Variants in ASTN1 observed in about 807,000 individuals in gnomAD.
ASTN1 encodes the protein astrotactin 1.
ASTN1 carries 41 observed loss-of-function variants against 140.7 expected under a neutral mutation model. That is an observed-to-expected ratio of 0.29 (90% CI 0.23 to 0.38). The LOEUF (loss-of-function observed/expected upper bound fraction) is 0.38. Among genes scored for constraint, ASTN1 ranks in the 10% least tolerant of loss-of-function variants. The pLI is 1.00. For missense variants in ASTN1, 1,479 were observed against 1,678.8 expected (o/e 0.88, Z 2.08); for synonymous variants, 640 against 652.2 (o/e 0.98, Z 0.29).
intron 1 of ASTN1, among the ~76,000 whole-genome samples, chr1:177,117,763 C>G (rs936092024): frequency 1.3e-5 from 2 of 152,184 alleles, no homozygotes; most frequent in East Asian, 1.9e-4. Flanking sequence ...AACTCCCAGA[C>G]TTTGCCTGGG....
rs1327904580 is a variant in ASTN1, at chr1:176,945,918, A to T, written c.2249+8T>A. The T allele has an allele frequency of 6.2e-7, 1 of 1,602,050 alleles. No individual in the cohort carries two copies. The highest frequency in any genetic ancestry group is 1.1e-5 in the South Asian group (1 of 88,970). On this transcript the variant is annotated splice_region_variant and intron_variant, in intron 13 of 22. Coordinates refer to ENST00000361833, the MANE Select transcript of ASTN1 (RefSeq NM_004319.3). ...TTGAACAATCAGTTCTATGTATATGAGGTTTACCTGAATGTTCCTTTCAGC... is the reference window on the plus strand; with the variant it reads ...TTGAACAATCAGTTCTATGTATATGTGGTTTACCTGAATGTTCCTTTCAGC...
chr1:177,061,239 G>A lies in ASTN1; in HGVS notation c.310C>T (p.Pro104Ser), dbSNP rs138326291. 6.3e-7 allele frequency: 1 copy of A among 1,583,836 alleles called. No homozygotes were observed. Among genetic ancestry groups the A allele is most frequent in the Non-Finnish European group, 8.6e-7 (1 of 1,164,642 alleles). Residue 104 changes from proline to serine, a missense_variant, in exon 2 of 23, where the codon CCT (proline) becomes TCT (serine). Pro to Ser is a moderately conservative substitution (Grantham distance 74, BLOSUM62 -1). Coordinates refer to ENST00000361833, the MANE Select transcript of ASTN1 (RefSeq NM_004319.3). ...CACTGCTGCCTCCAGCGCACCAAAG[G>A]GATATCCTCTGTGTTCCCTGAGATC... The part of the protein sequence containing the change: ...LEISGNTEDI[P>S]LVRWRQQWLE...
At chr1:176,999,750 T>A (rs1333052713) in intron 8 of ASTN1, among the ~76,000 whole-genome samples, 2 of 152,098 alleles carry the variant, frequency 1.3e-5, no homozygotes. Context: ...ATGGGGGCAG[T>A]TTCCCCATAT....
At chr1:176,960,749 A>C (rs1458623973) in intron 9 of ASTN1, among the ~76,000 whole-genome samples, 2 of 152,054 alleles carry the variant, frequency 1.3e-5, no homozygotes, top group Non-Finnish European at 2.9e-5. Flanking sequence ...CATAGTTCCT[A>C]AAGTTGTCCC....
chr1:176,880,711 G>T (rs143949029), intron 20 of ASTN1, among the ~76,000 whole-genome samples: 1 of 152,272 alleles, frequency 6.6e-6, no homozygotes, highest in South Asian at 2.1e-4. Flanking sequence ...CAGAGCCAGC[G>T]CTCTGCTTTA....
rs1056633735 is a variant in ASTN1, at chr1:176,934,808, C to T, written c.2483-468G>A. Among the ~76,000 whole-genome samples the T allele has an allele frequency of 7.9e-5, 12 of 151,990 alleles. No homozygotes were observed. In the East Asian group the frequency reaches 1.6e-3, roughly 20 times the overall value. The stretch of plus-strand genomic sequence containing the variant: ...TTGTGTGCATGTGGGAGTATGTGTA[C>T]GCGCAAGGTCACGATACAAAATGTA... On this transcript the variant is annotated intron_variant, in intron 15 of 22. Coordinates refer to ENST00000361833, the MANE Select transcript of ASTN1 (RefSeq NM_004319.3).
chr1:177,044,273 C>T (rs563889956), intron 2 of ASTN1, among the ~76,000 whole-genome samples: 152 of 147,322 alleles, frequency 1.0e-3, no homozygotes, highest in Non-Finnish European at 1.9e-3. Context: ...TAGCCCCAGG[C>T]TGTCAGCCTT....
intron 8 of ASTN1, among the ~76,000 whole-genome samples, chr1:176,990,239 G>C (rs376640760): frequency 1.6e-4 from 23 of 141,752 alleles, no homozygotes; most frequent in East Asian, 4.7e-4. Context: ...CAGCAGGGGT[G>C]GGGGGGTGGG....
At position 176,901,486 on chromosome 1, in the gene ASTN1, G is replaced by C. The variant is rs532074309; in HGVS notation, c.2672-6656C>G. On this transcript the variant is annotated intron_variant, in intron 16 of 22. Coordinates refer to ENST00000361833, the MANE Select transcript of ASTN1 (RefSeq NM_004319.3). ...TACCAAAGAGCAGCTGGGGTGAAAG[G>C]TAAACTTCTCCCTGTGGGAGCAGTT... Among the ~76,000 whole-genome samples, 9 of 152,302 alleles carry C rather than the reference G, an allele frequency of 5.9e-5. 1 individual carries two copies. The South Asian group carries it at 1.9e-3, about 32-fold the overall frequency.
intron 18 of ASTN1, 100 bp from the exon 19 acceptor site, chr1:176,884,590 A>G (rs1668952706): frequency 7.5e-6 from 10 of 1,327,004 alleles, no homozygotes; most frequent in East Asian, 2.4e-5. Flanking sequence ...TTCTTTCCCA[A>G]CCAACTACAA....
intron 1 of ASTN1, among the ~76,000 whole-genome samples, chr1:177,068,454 T>C (rs1678470974): frequency 6.6e-6 from 1 of 152,206 alleles, no homozygotes; most frequent in Non-Finnish European, 1.5e-5. Context: ...TTTCCCTGCT[T>C]GGTGACATTA....
chr1:177,093,948 A>T (rs888079226), intron 1 of ASTN1, among the ~76,000 whole-genome samples: 4 of 152,188 alleles, frequency 2.6e-5, no homozygotes, highest in African/African-American at 9.7e-5. Flanking sequence ...GTTCAGATCT[A>T]CATATAAATA....
rs139792307 is a variant in ASTN1 at position 176,977,647 on chromosome 1, A to G, written c.1524-12410T>C. ...ATTTATACTAGTCAGTGAGCCAAGTACTTTTTTTCACTTAATTCTCATAAG... is the reference window on the plus strand; with the variant it reads ...ATTTATACTAGTCAGTGAGCCAAGTGCTTTTTTTCACTTAATTCTCATAAG... On this transcript the variant is annotated intron_variant, in intron 8 of 22. Coordinates refer to ENST00000361833, the MANE Select transcript of ASTN1 (RefSeq NM_004319.3). Among the ~76,000 whole-genome samples the G allele has an allele frequency of 3.1e-3, 478 of 152,338 alleles. 3 individuals carry two copies. The highest frequency in any genetic ancestry group is 0.011 in the African/African-American group (462 of 41,572).
rs113117772 is a variant in ASTN1 at position 177,151,710 on chromosome 1, C to A, written c.283+12684G>T. On this transcript the variant is annotated intron_variant, in intron 1 of 22. Transcript: ENST00000361833. ...TCTTTATTCCAGAAAAGAAAAAGTT[C>A]ATCTCTATGCCACTTACAAGACCTT... is the stretch of plus-strand genomic sequence containing the variant. Among the ~76,000 whole-genome samples, 75 of 152,234 alleles carry A rather than the reference C, an allele frequency of 4.9e-4. 1 individual carries two copies. Among genetic ancestry groups the A allele is most frequent in the South Asian group, 4.1e-3 (20 of 4,830 alleles).
At chr1:177,016,326 A>T (rs1675546163) in intron 7 of ASTN1, among the ~76,000 whole-genome samples, 1 of 151,622 alleles carries the variant, frequency 6.6e-6, no homozygotes, top group South Asian at 2.1e-4. Context: ...AAAAAAAAAA[A>T]AAAAAGCCCA....
At chr1:176,957,259 G>T (rs925978638) in intron 11 of ASTN1, among the ~76,000 whole-genome samples, 9 of 152,004 alleles carry the variant, frequency 5.9e-5, no homozygotes, top group African/African-American at 9.7e-5. Flanking sequence ...GAAGAAGCAG[G>T]TGCTCATTGC....
intron 9 of ASTN1, among the ~76,000 whole-genome samples, chr1:176,960,301 A>C (rs183838070): frequency 6.6e-6 from 1 of 152,336 alleles, no homozygotes; most frequent in African/African-American, 2.4e-5. Flanking sequence ...AATGTCTACA[A>C]GTAGTTTGAA....
At chr1:176,941,968 A>G (rs1222612007) in intron 14 of ASTN1, among the ~76,000 whole-genome samples, 91 of 152,096 alleles carry the variant, frequency 6.0e-4, no homozygotes, top group Non-Finnish European at 1.5e-5. Flanking sequence ...TAATTTCTTC[A>G]GGTGTGTGTA....
At chr1:177,129,130 T>G (rs1235804216) in intron 1 of ASTN1, among the ~76,000 whole-genome samples, 24 of 152,160 alleles carry the variant, frequency 1.6e-4, no homozygotes, top group Non-Finnish European at 1.6e-4. Flanking sequence ...TATAGTGGAA[T>G]TCATCTTATT....
Sources: allele counts gnomAD v4.1 joint callset (sites outside exome capture counted in the v4.1 genomes callset), GRCh38; gene constraint gnomAD v4.1.1; transcripts MANE v1.5; gene names NCBI Gene and HGNC (gene_info 2026-07-23, HGNC 2026-07-21).